NOS3: variants seen among roughly 807,000 people sequenced by gnomAD.
NOS3 encodes nitric oxide synthase 3.
NOS3 carries 98 observed loss-of-function variants against 144.9 expected under a neutral mutation model. That is an observed-to-expected ratio of 0.68 (90% CI 0.57 to 0.80). The LOEUF (loss-of-function observed/expected upper bound fraction) is 0.80, where lower values mean the gene tolerates loss of function less well. Ranked by LOEUF, NOS3 falls within the 30% of genes least tolerant of loss-of-function variation. NOS3 has a pLI of 0.00. For synonymous variants in NOS3, 714 were observed against 702.4 expected (o/e 1.02, Z -0.26); for missense variants, 1,465 against 1,656.4 (o/e 0.88, Z 2.01).
At chr7:151,007,397 A>C in intron 17 of NOS3, 121 bp downstream of exon 17, 3 of 1,122,728 alleles carry the variant, frequency 2.7e-6, no homozygotes, top group Non-Finnish European at 3.7e-6. Flanking sequence ...ATCCACCCTC[A>C]TCTCTCCATG....
Position 150,993,190 on chromosome 7 carries a change from G to A in NOS3, c.-51-563G>A, listed in dbSNP as rs561093991. Among the ~76,000 whole-genome samples, 1 of 152,176 alleles carries A rather than the reference G, an allele frequency of 6.6e-6. No individual in the cohort carries two copies. Among genetic ancestry groups the A allele is most frequent in the Non-Finnish European group, 1.5e-5 (1 of 68,028 alleles). On this transcript the variant is annotated intron_variant, in intron 1 of 26. Transcript: ENST00000297494. This position sits in a 1 kb window ranked among gnomAD's most constrained non-coding sequence, Gnocchi z 4.0. Reference sequence around the variant, plus strand: ...AGGGATACCCTAATGTCAGACTCAAGGACAAAAAGTCACTACATCCTTGCT... The same window carrying A: ...AGGGATACCCTAATGTCAGACTCAAAGACAAAAAGTCACTACATCCTTGCT...
intron 3 of NOS3, 115 bp downstream of exon 3, chr7:150,995,429 C>A: frequency 1.5e-6 from 1 of 664,744 alleles, no homozygotes; most frequent in Non-Finnish European, 2.6e-6. Context: ...CCCTTGTTTC[C>A]AAAAAGAGGA....
Position 151,014,235 on chromosome 7 carries a change from G to A in NOS3, c.*66G>A, listed in dbSNP as rs1795390032. The A allele has an allele frequency of 1.4e-6, 2 of 1,470,834 alleles. No homozygotes were observed. Among genetic ancestry groups the A allele is most frequent in the Admixed American group, 4.0e-5 (2 of 50,354 alleles). 91.1% of individuals were successfully genotyped at this position (1,470,834 alleles called of 1,614,324 possible). On this transcript the variant is annotated 3_prime_UTR_variant, in exon 27 of 27. Transcript: ENST00000297494. ...GCCCGACTCAGGTCCGCCCGACCAG[G>A]ATCAGCCCCGCTCCTCCCCTCTTGA... is the stretch of plus-strand genomic sequence containing the variant.
At position 151,010,725 on chromosome 7, in the gene NOS3, G is replaced by T. The variant is rs149654049; in HGVS notation, c.2814G>T (p.Arg938=). 9.4e-4 allele frequency: 1,516 copies of T among 1,613,284 alleles called. 5 individuals carry two copies. Among genetic ancestry groups the T allele is most frequent in the South Asian group, 2.4e-3 (222 of 90,920 alleles). The change falls in exon 22 of 27, where the codon CGG becomes CGT. Residue 938 remains arginine (R), a synonymous_variant. Coordinates refer to ENST00000297494, the MANE Select transcript of NOS3 (RefSeq NM_000603.5). ...LLTQLPLLQP[R]YYSVSSAPST... ...CCCAGCTGCCTCTGCTCCAGCCCCG[G>T]TACTACTCAGTCAGCTCGGCACCCA...
chr7:150,992,952 C>A (rs545556532), intron 1 of NOS3, among the ~76,000 whole-genome samples: 1 of 152,128 alleles, frequency 6.6e-6, no homozygotes, highest in Non-Finnish European at 1.5e-5. Flanking sequence ...TTTCCCTAGT[C>A]CCCCATGCTC....
At chr7:151,012,863 T>C (rs1795336490) in intron 24 of NOS3, 2 of 343,216 alleles carry the variant, frequency 5.8e-6, no homozygotes, top group Non-Finnish European at 1.1e-5. Context: ...GGTCTGTCAA[T>C]CAAAAGAAGA....
chr7:151,003,553 A>C lies in NOS3; in HGVS notation c.1752+1249A>C. On this transcript the variant is annotated intron_variant, in intron 14 of 26. Transcript: ENST00000297494. This position sits in a 1 kb window ranked among gnomAD's most constrained non-coding sequence, Gnocchi z 4.1. ...AGCAATTGACTTTTTTTTAGCATAA[A>C]GGTGTATAGACACCCATATAACCTA... 7.8e-7 allele frequency: 1 copy of C among 1,287,934 alleles called. No homozygotes were observed. Among genetic ancestry groups the C allele is most frequent in the Non-Finnish European group, 1.0e-6 (1 of 979,346 alleles). The allele number at this position is 1,287,934 out of a possible 1,614,324, so 79.8% of individuals were successfully genotyped here.
Position 151,013,721 on chromosome 7 carries a change from C to A in NOS3, c.3256-3C>A. The A allele has an allele frequency of 6.3e-7, 1 of 1,596,554 alleles. No individual in the cohort carries two copies. The highest frequency in any genetic ancestry group is 8.5e-7 in the Non-Finnish European group (1 of 1,172,592). ...GGCCCGCCCTAACCCCGCCGCCCCG[C>A]AGACCTACGTGCAGGACATCCTGAG... is the stretch of plus-strand genomic sequence containing the variant. On this transcript the variant is annotated splice_region_variant and splice_polypyrimidine_tract_variant and intron_variant, in intron 25 of 26. Transcript: ENST00000297494.
intron 17 of NOS3, 145 bp from the exon 18 acceptor site, chr7:151,008,785 G>A (rs2117130730): frequency 4.3e-6 from 4 of 920,664 alleles, no homozygotes; most frequent in Non-Finnish European, 6.2e-6. Context: ...ATGGGCTGGC[G>A]GAAAAGGTGC....
At position 151,006,503 on chromosome 7, in the gene NOS3, G is replaced by A. The variant is rs761692363; in HGVS notation, c.1820+9G>A. On this transcript the variant is annotated intron_variant, in intron 15 of 26. Coordinates refer to ENST00000297494, the MANE Select transcript of NOS3 (RefSeq NM_000603.5). Reference sequence around the variant, plus strand: ...CGGCCGGAACAGCACAAGTGAGTTGGGTGAGAGTTTGGGGGAGCTGGGGGA... The same window carrying A: ...CGGCCGGAACAGCACAAGTGAGTTGAGTGAGAGTTTGGGGGAGCTGGGGGA... The A allele has an allele frequency of 1.2e-6, 2 of 1,611,022 alleles. No individual in the cohort carries two copies. Among genetic ancestry groups the A allele is most frequent in the African/African-American group, 1.3e-5 (1 of 74,914 alleles).
intron 24 of NOS3, chr7:151,012,847 C>G (rs929909182): frequency 1.5e-5 from 5 of 336,576 alleles, no homozygotes; most frequent in Non-Finnish European, 5.5e-6. Context: ...ATGGGGTGCC[C>G]AGGGTGGTCT....
rs555815111 is a variant in NOS3, at chr7:151,007,697, G to A, written c.2112+421G>A. Among the ~76,000 whole-genome samples, 3 of 152,388 alleles carry A rather than the reference G, an allele frequency of 2.0e-5. No homozygotes were observed. The South Asian group carries it at 6.2e-4, about 32-fold the overall frequency. ...GCTGAGGCCAGCACAGAAGCCACAG[G>A]AAGCCAGAGGCCAGACAGCCTGGGG... On this transcript the variant is annotated intron_variant, in intron 17 of 26. Transcript: ENST00000297494.
At position 150,996,750 on chromosome 7, in the gene NOS3, C is replaced by A. The variant is rs767737456; in HGVS notation, c.420-13C>A. The stretch of plus-strand genomic sequence containing the variant: ...CTTCCTGCTTGTCCCCTTCCCACCC[C>A]TCTCCTCCCCAGGAGCGGCTCCCAG... On this transcript the variant is annotated splice_polypyrimidine_tract_variant and intron_variant, in intron 4 of 26. Coordinates refer to ENST00000297494, the MANE Select transcript of NOS3 (RefSeq NM_000603.5). The A allele has an allele frequency of 4.3e-6, 7 of 1,611,282 alleles. No individual in the cohort carries two copies. In the Admixed American group the frequency reaches 6.7e-5, roughly 15 times the overall value.
chr7:151,012,517 C>CT, intron 24 of NOS3, 45 bp downstream of exon 24: 1 of 1,586,554 alleles, frequency 6.3e-7, no homozygotes, highest in Non-Finnish European at 8.6e-7. Context: ...GTCACACAAT[C>CT]TAGGGACAGA....
intron 9 of NOS3, among the ~76,000 whole-genome samples, chr7:151,000,012 T>C (rs911130635): frequency 8.7e-6 from 1 of 115,500 alleles, no homozygotes; most frequent in Non-Finnish European, 1.8e-5. Flanking sequence ...TAGGGGCGAG[T>C]GTGAGAGTGT....
At chr7:150,996,249 C>A (rs1563211992) in intron 3 of NOS3, among the ~76,000 whole-genome samples, 155 bp from the exon 4 acceptor site, 1 of 12,364 alleles carries the variant, frequency 8.1e-5, no homozygotes, top group Non-Finnish European at 1.7e-4. Context: ...CTCACCCATC[C>A]CACCCCTGCA....
Position 151,012,375 on chromosome 7 carries a change from C to G in NOS3, c.3009C>G (p.Pro1003=). 6.3e-7 allele frequency: 1 copy of G among 1,581,160 alleles called. No homozygotes were observed. Among genetic ancestry groups the G allele is most frequent in the Non-Finnish European group, 8.6e-7 (1 of 1,163,702 alleles). Residue 1003 remains proline (P), a synonymous_variant, in exon 24 of 27, where the codon CCC becomes CCG. Transcript: ENST00000297494. ...GGGCTCCCTCCTTCCGGCTGCCACC[C>G]GATCCCAGCTTGCCCTGCATCCTGG... The part of the protein sequence containing the change: ...IRGAPSFRLP[P]DPSLPCILVG...
chr7:151,006,575 T>C, intron 15 of NOS3, 81 bp downstream of exon 15: 1 of 1,215,266 alleles, frequency 8.2e-7, no homozygotes, highest in Non-Finnish European at 1.2e-6. Context: ...TGAAAAGCTC[T>C]CCCTCTGTGC....
In NOS3 at chr7:150,996,408, G is replaced by A; in HGVS notation, c.275G>A (p.Gly92Glu). 6.6e-7 allele frequency: 1 copy of A among 1,512,810 alleles called. No homozygotes were observed. Among genetic ancestry groups the A allele is most frequent in the Non-Finnish European group, 8.8e-7 (1 of 1,132,914 alleles). 93.7% of individuals were successfully genotyped at this position (1,512,810 alleles called of 1,614,324 possible). A position where few individuals can be genotyped will look rare whatever the true frequency, so the allele number is the denominator to read the frequency against. The part of the protein sequence containing the change: ...DTLSAQAQQD[G>E]PCTPRRCLGS... ...CTTTGCACTCCCTCGACCCAGGATG[G>A]GCCCTGCACCCCAAGACGCTGCCTG... The change falls in exon 4 of 27, where the codon GGG becomes GAG. Residue 92 changes from glycine to glutamate, a missense_variant. Coordinates refer to ENST00000297494, the MANE Select transcript of NOS3 (RefSeq NM_000603.5).
Sources: gnomAD v4.1 joint callset for allele counts (sites outside exome capture counted in the v4.1 genomes callset) on GRCh38, gnomAD v4.1.1 for gene constraint, Gnocchi (gnomAD v3.1) non-coding constraint, MANE v1.5 for transcripts, NCBI Gene and HGNC (gene_info 2026-07-23, HGNC 2026-07-21) for gene names.